Variants in SEMA6D observed in about 807,000 individuals in gnomAD.
SEMA6D encodes semaphorin 6D.
In SEMA6D, 35 loss-of-function variants were observed where a neutral mutation model predicts 106.6. The observed-to-expected ratio is 0.33, with a 90% CI of 0.25 to 0.44. The LOEUF is 0.44. Ranked by LOEUF, SEMA6D falls within the 20% of genes least tolerant of loss-of-function variation. SEMA6D has a pLI of 1.00. For synonymous variants in SEMA6D, 499 were observed against 487.7 expected, an observed-to-expected ratio of 1.02 and a Z score of -0.31; for missense variants, 1,185 against 1,345.9, an observed-to-expected ratio of 0.88 and a Z score of 1.87.
At chr15:47,437,920 G>A (rs2041772221) in intron 2 of SEMA6D, among the ~76,000 whole-genome samples, 1 of 152,074 alleles carries the variant, frequency 6.6e-6, no homozygotes, top group African/African-American at 2.4e-5. Flanking sequence ...TGCGACTTAA[G>A]TTTCTGGCAA....
At chr15:47,440,405 T>G (rs1047167978) in intron 2 of SEMA6D, among the ~76,000 whole-genome samples, 1 of 152,020 alleles carries the variant, frequency 6.6e-6, no homozygotes, top group East Asian at 1.9e-4. Context: ...GCAAGAAATC[T>G]GTGTGACAAA....
intron 1 of SEMA6D, among the ~76,000 whole-genome samples, chr15:47,194,338 G>A (rs1894183313): frequency 6.6e-6 from 1 of 152,082 alleles, no homozygotes; most frequent in South Asian, 2.1e-4. Flanking sequence ...CAAAACACCG[G>A]TGCATTTTGA....
chr15:47,757,293 A>C (rs58554882), intron 1 of SEMA6D, among the ~76,000 whole-genome samples: 2 of 152,170 alleles, frequency 1.3e-5, no homozygotes, highest in African/African-American at 4.8e-5. Context: ...CTTTGGGATT[A>C]ATTGGTATTT....
At chr15:47,259,864 T>C (rs2142061516) in intron 1 of SEMA6D, among the ~76,000 whole-genome samples, 1 of 152,252 alleles carries the variant, frequency 6.6e-6, no homozygotes, top group Admixed American at 6.5e-5. Flanking sequence ...TGATTTTTTT[T>C]TCTTTTTTGT....
intron 2 of SEMA6D, among the ~76,000 whole-genome samples, chr15:47,457,168 C>A (rs1342794655): frequency 2.0e-5 from 3 of 151,920 alleles, no homozygotes; most frequent in African/African-American, 7.2e-5. Context: ...TCTTCTATAA[C>A]AAAGATTATA....
At chr15:47,338,801 T>A (rs76559562) in intron 1 of SEMA6D, among the ~76,000 whole-genome samples, 1,682 of 152,296 alleles carry the variant, frequency 0.011, 11 homozygotes, top group Non-Finnish European at 0.014. Flanking sequence ...CTTTAGGCCT[T>A]AGGAATAGAA....
At chr15:47,232,517 T>A (rs1259684923) in intron 1 of SEMA6D, among the ~76,000 whole-genome samples, 1 of 92,874 alleles carries the variant, frequency 1.1e-5, no homozygotes, top group Non-Finnish European at 2.2e-5. Context: ...TGTTATTCTA[T>A]GGGGGGAGGG....
At chr15:47,730,798 G>C in intron 1 of SEMA6D, 1 of 1,590,548 alleles carries the variant, frequency 6.3e-7, no homozygotes, top group Non-Finnish European at 8.5e-7. Flanking sequence ...GTCTCTTTTG[G>C]GCTGGATGTC....
intron 1 of SEMA6D, among the ~76,000 whole-genome samples, chr15:47,196,694 C>T (rs1894383449): frequency 1.3e-5 from 2 of 152,108 alleles, no homozygotes; most frequent in African/African-American, 2.4e-5. Context: ...TTTAAATCAG[C>T]GCTAAGCCCT....
chr15:47,538,301 A>G (rs986716224), intron 3 of SEMA6D, among the ~76,000 whole-genome samples: 3 of 152,156 alleles, frequency 2.0e-5, no homozygotes, highest in Non-Finnish European at 4.4e-5. Context: ...ATAGGTATCA[A>G]TAGATATTTA....
chr15:47,692,737 A>G (rs1596651950), intron 4 of SEMA6D, among the ~76,000 whole-genome samples: 1 of 152,260 alleles, frequency 6.6e-6, no homozygotes, highest in Middle Eastern at 3.4e-3. Context: ...ACAAATCACA[A>G]CAGGTGCCAG....
intron 1 of SEMA6D, among the ~76,000 whole-genome samples, chr15:47,739,672 C>T (rs1269096606): frequency 6.6e-6 from 1 of 152,154 alleles, no homozygotes; most frequent in African/African-American, 2.4e-5. Flanking sequence ...TTAGGTGTCT[C>T]TACTACTAGG....
At chr15:47,405,505 T>G (rs1411332921) in intron 1 of SEMA6D, among the ~76,000 whole-genome samples, 1 of 152,144 alleles carries the variant, frequency 6.6e-6, no homozygotes, top group Non-Finnish European at 1.5e-5. Flanking sequence ...GAGCTTCACC[T>G]AACTTACTAG....
At chr15:47,251,187 A>G (rs141615307) in intron 1 of SEMA6D, among the ~76,000 whole-genome samples, 3 of 152,306 alleles carry the variant, frequency 2.0e-5, no homozygotes, top group Non-Finnish European at 2.9e-5. Flanking sequence ...AAGATAGACT[A>G]TAGCAATTCA....
chr15:47,546,462 G>C (rs1270540063), intron 3 of SEMA6D, among the ~76,000 whole-genome samples: 1 of 151,994 alleles, frequency 6.6e-6, no homozygotes, highest in East Asian at 1.9e-4. Context: ...ACCCGCACTG[G>C]ACATATGTAG....
intron 1 of SEMA6D, among the ~76,000 whole-genome samples, chr15:47,384,814 GTTTTTTTTTTTTTTTTTTTTT>G (rs1168068495): frequency 1.5e-5 from 1 of 65,694 alleles, no homozygotes; most frequent in Non-Finnish European, 2.8e-5. Context: ...GATTACTAAA[GTTTTTTTTTTTTTTTTTTTTT>G]TTTTTTTTTT....
At chr15:47,626,007 C>G (rs1388887047) in intron 4 of SEMA6D, among the ~76,000 whole-genome samples, 1 of 152,032 alleles carries the variant, frequency 6.6e-6, no homozygotes, top group Non-Finnish European at 1.5e-5. Context: ...TATGAAAAGC[C>G]AGGAAGGGGG....
chr15:47,323,318 G>A (rs1371147462), intron 1 of SEMA6D, among the ~76,000 whole-genome samples: 2 of 152,158 alleles, frequency 1.3e-5, no homozygotes, highest in Admixed American at 6.5e-5. Context: ...CTGCTATCAA[G>A]AGGTCTAGGG....
At chr15:47,499,376 C>T (rs1019625) in intron 3 of SEMA6D, among the ~76,000 whole-genome samples, 58,616 of 151,908 alleles carry the variant, frequency 0.39, 12,631 homozygotes, top group African/African-American at 0.59. Flanking sequence ...ATGGCTTACC[C>T]GCAAAGCCAG....
Sources: allele counts gnomAD v4.1 joint callset (sites outside exome capture counted in the v4.1 genomes callset), GRCh38; gene constraint gnomAD v4.1.1; transcripts MANE v1.5; gene names NCBI Gene and HGNC (gene_info 2026-07-23, HGNC 2026-07-21).